CNGB1: variants seen among roughly 807,000 people sequenced by gnomAD.
CNGB1 encodes cyclic nucleotide gated channel subunit beta 1, also known as cyclic nucleotide-gated channel beta-1.
CNGB1 carries 126 observed loss-of-function variants against 151.7 expected under a neutral mutation model. The ratio of observed to expected loss-of-function variants is 0.83; its 90% CI spans 0.72 to 0.96. The LOEUF is 0.96. Among genes scored for constraint, CNGB1 ranks in the 40% least tolerant of loss-of-function variants. The pLI is 0.00. For synonymous variants in CNGB1, 623 were observed against 635.1 expected (o/e 0.98, Z 0.29); for missense variants, 1,698 against 1,627.0 (o/e 1.04, Z -0.75).
chr16:57,943,970 C>G (rs1330014466), intron 14 of CNGB1, among the ~76,000 whole-genome samples: 3 of 152,010 alleles, frequency 2.0e-5, no homozygotes, highest in Non-Finnish European at 4.4e-5. Flanking sequence ...TCACTGCAAC[C>G]TCAGCCTCCC....
Position 57,904,731 on chromosome 16 carries a change from T to C in CNGB1, c.2634+3A>G. The C allele has an allele frequency of 6.2e-7, 1 of 1,614,062 alleles. No individual in the cohort carries two copies. Among genetic ancestry groups the C allele is most frequent in the Non-Finnish European group, 8.5e-7 (1 of 1,180,022 alleles). On this transcript the variant is annotated splice_donor_region_variant and intron_variant, in intron 26 of 32. Transcript: ENST00000251102. The stretch of plus-strand genomic sequence containing the variant: ...GTGGGAAGCTGGGCTGGTGCCCCGA[T>C]ACCTGTCCGATCATCACAGAGAAAG...
In CNGB1 at chr16:57,919,160, G is replaced by A; in HGVS notation, c.1896C>T (p.Cys632=). The change falls in exon 20 of 33, where the codon TGC becomes TGT. Residue 632 remains cysteine, a synonymous_variant. Transcript: ENST00000251102. Reference sequence around the variant, plus strand: ...TCTTCCAGGGGCGGTGTTTGAACTTGCAGCAGAGCATGTCGCAATAGTGCT... The same window carrying A: ...TCTTCCAGGGGCGGTGTTTGAACTTACAGCAGAGCATGTCGCAATAGTGCT... ...EEEHYCDMLC[C]KFKHRPWKKY... 6.2e-7 allele frequency: 1 copy of A among 1,614,196 alleles called. No individual in the cohort carries two copies. Among genetic ancestry groups the A allele is most frequent in the Non-Finnish European group, 8.5e-7 (1 of 1,180,046 alleles).
chr16:57,936,866 T>C (rs947460392), intron 16 of CNGB1, among the ~76,000 whole-genome samples: 2 of 151,808 alleles, frequency 1.3e-5, no homozygotes, highest in Non-Finnish European at 2.9e-5. Flanking sequence ...AATGAATTGC[T>C]AATTGTGGTG....
At chr16:57,947,582 G>A (rs1424234943) in intron 14 of CNGB1, among the ~76,000 whole-genome samples, 1 of 152,220 alleles carries the variant, frequency 6.6e-6, no homozygotes, top group African/African-American at 2.4e-5. Context: ...GACATGGACA[G>A]CCTTTGAGAG....
chr16:57,939,366 G>A, intron 16 of CNGB1, 64 bp downstream of exon 16: 1 of 1,609,314 alleles, frequency 6.2e-7, no homozygotes, highest in East Asian at 2.2e-5. Context: ...CACGAAGGCT[G>A]CCTCCAGCCT....
At chr16:57,965,345 A>C (rs1199106263) in intron 2 of CNGB1, among the ~76,000 whole-genome samples, 1 of 152,236 alleles carries the variant, frequency 6.6e-6, no homozygotes, top group Non-Finnish European at 1.5e-5. Context: ...ATATATGTGC[A>C]TACAGTCATA....
At chr16:57,898,435 T>C (rs1453864994) in intron 29 of CNGB1, among the ~76,000 whole-genome samples, 1 of 152,094 alleles carries the variant, frequency 6.6e-6, no homozygotes, top group African/African-American at 2.4e-5. Flanking sequence ...TGGAGTGCAG[T>C]GGCATGATCT....
intron 1 of CNGB1, among the ~76,000 whole-genome samples, chr16:57,970,451 C>T (rs1962512066): frequency 6.6e-6 from 1 of 152,220 alleles, no homozygotes; most frequent in Non-Finnish European, 1.5e-5. Context: ...TGAAGCAGCA[C>T]AGCCGGCAGT....
intron 25 of CNGB1, among the ~76,000 whole-genome samples, chr16:57,911,351 C>T (rs192139054): frequency 1.3e-5 from 2 of 152,178 alleles, no homozygotes; most frequent in Non-Finnish European, 2.9e-5. Context: ...TGCAATGGCA[C>T]GATCTCGGCT....
Position 57,901,334 on chromosome 16 carries a change from G to T in CNGB1, c.2976+18C>A, listed in dbSNP as rs2149357302. 6.2e-7 allele frequency: 1 copy of T among 1,612,860 alleles called. No homozygotes were observed. Among genetic ancestry groups the T allele is most frequent in the South Asian group, 1.1e-5 (1 of 91,048 alleles). Reference sequence around the variant, plus strand: ...ATGGTGAACCCCAGATCCCGTGGTGGCTGCCAGGCCAGCTCACCTTCTTGC... The same window carrying T: ...ATGGTGAACCCCAGATCCCGTGGTGTCTGCCAGGCCAGCTCACCTTCTTGC... On this transcript the variant is annotated intron_variant, in intron 29 of 32. Transcript: ENST00000251102.
chr16:57,960,974 G>A, intron 7 of CNGB1, 59 bp from the exon 8 acceptor site: 3 of 1,513,370 alleles, frequency 2.0e-6, no homozygotes, highest in African/African-American at 1.4e-5. Context: ...CGCACTAACA[G>A]CCCACCTCGG....
chr16:57,948,475 T>G (rs1311840570), intron 14 of CNGB1, among the ~76,000 whole-genome samples: 1 of 152,038 alleles, frequency 6.6e-6, no homozygotes, highest in African/African-American at 2.4e-5. Flanking sequence ...AAACACTAAC[T>G]TGGCTTCTGG....
intron 27 of CNGB1, among the ~76,000 whole-genome samples, chr16:57,902,686 T>G (rs935641936): frequency 6.6e-6 from 1 of 152,084 alleles, no homozygotes; most frequent in Admixed American, 6.6e-5. Flanking sequence ...CACAACTCAC[T>G]GCAGCCTCAA....
At position 57,916,152 on chromosome 16, in the gene CNGB1, A is replaced by G; in HGVS notation, c.2194T>C (p.Tyr732His). The G allele has an allele frequency of 6.2e-7, 1 of 1,614,100 alleles. No individual in the cohort carries two copies. The highest frequency in any genetic ancestry group is 1.7e-5 in the Admixed American group (1 of 60,010). Residue 732 changes from tyrosine to histidine, a missense_variant, in exon 22 of 33, where the codon TAC becomes CAC. Coordinates refer to ENST00000251102, the MANE Select transcript of CNGB1 (RefSeq NM_001297.5). ...ACCTTGAAGCGGCGAGACTTCAGGT[A>G]GTTATTTCGCATGTCCTTTTTGTCC... ...ITDKKDMRNN[Y>H]LKSRRFKMDL...
intron 27 of CNGB1, among the ~76,000 whole-genome samples, chr16:57,903,541 T>C (rs1175774809): frequency 1.3e-5 from 2 of 151,856 alleles, no homozygotes; most frequent in Admixed American, 6.6e-5. Context: ...ACTTCGCTCT[T>C]GGATGGGGAT....
rs530492994 is a variant in CNGB1 at position 57,917,456 on chromosome 16, G to C, written c.1978C>G (p.Leu660Val). 1 of 1,614,140 alleles carries C rather than the reference G, an allele frequency of 6.2e-7. No individual in the cohort carries two copies. Among genetic ancestry groups the C allele is most frequent in the Non-Finnish European group, 8.5e-7 (1 of 1,180,036 alleles). ...TTCCAGGCCATCACCACGAAGAACA[G>C]CCATAGGACATACATCAGGTCTGTG... is the stretch of plus-strand genomic sequence containing the variant. ...PLTNLMYVLW[L>V]FFVVMAWNWN... Residue 660 changes from leucine to valine, a missense_variant, in exon 21 of 33, where the codon CTG (leucine) becomes GTG (valine). Leu to Val is a conservative substitution (Grantham distance 32). Transcript: ENST00000251102.
intron 13 of CNGB1, 133 bp from the exon 14 acceptor site, chr16:57,949,572 C>A (rs1961898343): frequency 6.9e-7 from 1 of 1,442,454 alleles, no homozygotes; most frequent in Non-Finnish European, 9.6e-7. Flanking sequence ...AAGGCTCAAC[C>A]TGGGGAGCCC....
At chr16:57,900,368 G>A (rs746147613) in intron 29 of CNGB1, among the ~76,000 whole-genome samples, 8 of 152,192 alleles carry the variant, frequency 5.3e-5, no homozygotes, top group Non-Finnish European at 8.8e-5. Flanking sequence ...ACTTTCTTGG[G>A]GACGGGGGTT....
intron 17 of CNGB1, among the ~76,000 whole-genome samples, chr16:57,931,514 G>A (rs1355002522): frequency 6.6e-6 from 1 of 152,126 alleles, no homozygotes; most frequent in Non-Finnish European, 1.5e-5. Flanking sequence ...ATTTGGGACA[G>A]GGCCTCCCAT....
Sources: gnomAD v4.1 joint callset for allele counts (sites outside exome capture counted in the v4.1 genomes callset) on GRCh38, gnomAD v4.1.1 for gene constraint, MANE v1.5 for transcripts, NCBI Gene and HGNC (gene_info 2026-07-23, HGNC 2026-07-21) for gene names.